MAP4K2: variants seen among roughly 807,000 people sequenced by gnomAD.
MAP4K2 encodes the protein B lymphocyte serine/threonine protein kinase.
In MAP4K2, 85 loss-of-function variants were observed where a neutral mutation model predicts 125.3. That is an observed-to-expected ratio of 0.68 (90% confidence interval 0.57 to 0.81). The LOEUF (loss-of-function observed/expected upper bound fraction) is 0.81, where lower values mean the gene tolerates loss of function less well. Among genes scored for constraint, MAP4K2 ranks in the 40% least tolerant of loss-of-function variants. The probability of loss-of-function intolerance (pLI) is 0.00; values close to 1 mark genes in which losing one functional copy is unlikely to be tolerated. For synonymous variants in MAP4K2, 479 were observed against 445.1 expected (o/e 1.08, Z -0.96); for missense variants, 923 against 1,056.4 (o/e 0.87, Z 1.75).
Position 64,798,757 on chromosome 11 carries a change from C to G in MAP4K2, c.1097+37G>C, listed in dbSNP as rs201403369. The stretch of plus-strand genomic sequence containing the variant: ...GTCAGAGGTCAGCCTTTCTGCCGCC[C>G]CTGCCACCCCCTGCAGCTTCCCCAT... On this transcript the variant is annotated intron_variant, in intron 15 of 31. Coordinates refer to ENST00000294066, the MANE Select transcript of MAP4K2 (RefSeq NM_004579.5). 5.1e-5 allele frequency: 82 copies of G among 1,612,262 alleles called. No homozygotes were observed. In the Admixed American group the frequency reaches 9.3e-4, roughly 18 times the overall value.
rs1308884771 is a variant in MAP4K2, at chr11:64,797,632, T to A, written c.1130A>T (p.Glu377Val). The stretch of plus-strand genomic sequence containing the variant: ...CCAGGCCCACATCCCTCACCTTTCC[T>A]CCAGGGCCTCCTGGACCGACTGCAG... ...SLLQSVQEALEERSLTIRSAS... is the reference protein window; with the variant it reads ...SLLQSVQEALVERSLTIRSAS... The change falls in exon 16 of 32, where the codon GAG becomes GTG. Residue 377 changes from glutamate to valine, a missense_variant. Transcript: ENST00000294066. The A allele has an allele frequency of 6.3e-7, 1 of 1,578,712 alleles. No individual in the cohort carries two copies. Among genetic ancestry groups the A allele is most frequent in the South Asian group, 1.2e-5 (1 of 86,690 alleles).
At position 64,798,806 on chromosome 11, in the gene MAP4K2, TC is replaced by T; in HGVS notation, c.1084del (p.Glu362LysfsTer3). On this transcript the variant is annotated frameshift_variant, in exon 15 of 32. Coordinates refer to ENST00000294066, the MANE Select transcript of MAP4K2 (RefSeq NM_004579.5). LOFTEE classifies it high-confidence loss of function. ...ATACCTCACTTACCCACTCAACTCT[TC>T]CTTTCCCAGTAGTGTCCACTCTTCC... is the stretch of plus-strand genomic sequence containing the variant. ...WEEEWTLLGKEELSGSLLQSV... is the reference protein window; with the variant it reads ...WEEEWTLLGKXELSGSLLQSV... 6.2e-7 allele frequency: 1 copy of T among 1,610,698 alleles called. No individual in the cohort carries two copies. The highest frequency in any genetic ancestry group is 8.5e-7 in the Non-Finnish European group (1 of 1,178,376).
chr11:64,785,048 A>C lies in MAP4K2; in HGVS notation c.*4489T>G, dbSNP rs1940174192. 6.6e-6 allele frequency: 1 copy of C among 152,266 alleles called. No individual in the cohort carries two copies. Among genetic ancestry groups the C allele is most frequent in the Non-Finnish European group, 1.5e-5 (1 of 68,052 alleles). 9.4% of individuals were successfully genotyped at this position (152,266 alleles called of 1,614,324 possible). A position where few individuals can be genotyped will look rare whatever the true frequency, so the allele number is the denominator to read the frequency against. ...ATACTACTTGGCAATAAAAAGGAATAAAATATTAATGCATGCAACAGGGAT... is the reference window on the plus strand; with the variant it reads ...ATACTACTTGGCAATAAAAAGGAATCAAATATTAATGCATGCAACAGGGAT... On this transcript the variant is annotated 3_prime_UTR_variant, in exon 32 of 32. Coordinates refer to ENST00000294066, the MANE Select transcript of MAP4K2 (RefSeq NM_004579.5).
Position 64,803,167 on chromosome 11 carries a change from G to T in MAP4K2, c.-18C>A, listed in dbSNP as rs1941353926. 3.3e-6 allele frequency: 4 copies of T among 1,197,832 alleles called. No individual in the cohort carries two copies. The highest frequency in any genetic ancestry group is 4.6e-5 in the Admixed American group (1 of 21,784). The allele number at this position is 1,197,832 out of a possible 1,614,324, so 74.2% of individuals were successfully genotyped here. A position where few individuals can be genotyped will look rare whatever the true frequency, so the allele number is the denominator to read the frequency against. The stretch of plus-strand genomic sequence containing the variant: ...AGCGCCATGGCCCGGCGCCGGGCGG[G>T]CCGGCAGGCGGGCGGGCGCGAGCTG... On this transcript the variant is annotated 5_prime_UTR_variant, in exon 1 of 32. Coordinates refer to ENST00000294066, the MANE Select transcript of MAP4K2 (RefSeq NM_004579.5).
Position 64,797,201 on chromosome 11 carries a change from A to C in MAP4K2, c.1277-9T>G. ...AGGTGGGGGCAGGGTTCCTGCAGGC[A>C]CAGGCGTGCTGTAATTTCCTGCTGT... On this transcript the variant is annotated splice_polypyrimidine_tract_variant and intron_variant, in intron 18 of 31. Coordinates refer to ENST00000294066, the MANE Select transcript of MAP4K2 (RefSeq NM_004579.5). 1 of 1,612,714 alleles carries C rather than the reference A, an allele frequency of 6.2e-7. No homozygotes were observed. Among genetic ancestry groups the C allele is most frequent in the Non-Finnish European group, 8.5e-7 (1 of 1,179,432 alleles).
In MAP4K2 at chr11:64,789,944, C is replaced by T. The variant is rs1197775940; in HGVS notation, c.2264G>A (p.Ser755Asn). The change falls in exon 30 of 32, where the codon AGT becomes AAT. Residue 755 changes from serine to asparagine, a missense_variant. This residue lies in a region of MAP4K2 where 90 missense variants were observed against 144.9 expected (regional missense o/e 0.62). Transcript: ENST00000294066. Reference sequence around the variant, plus strand: ...CCCATGGCTCCAGAAGGCCAGCACACTGTCCTGCAGGCACACTATGGGGGC... The same window carrying T: ...CCCATGGCTCCAGAAGGCCAGCACATTGTCCTGCAGGCACACTATGGGGGC... ...PIETVVCLQDSVLAFWSHGMQ... is the reference protein window; with the variant it reads ...PIETVVCLQDNVLAFWSHGMQ... 1 of 1,613,560 alleles carries T rather than the reference C, an allele frequency of 6.2e-7. No homozygotes were observed. The highest frequency in any genetic ancestry group is 1.1e-5 in the South Asian group (1 of 91,072).
rs1181272813 is a variant in MAP4K2 at position 64,796,362 on chromosome 11, G to A, written c.1662C>T (p.Asp554=). ...TCCGCTGCTCAAACAGGCCTGGGAG[G>A]TCATGGGCCCAGATGTGCGTGGATT... ...SGKSTHIWAH[D]LPGLFEQRRL... Residue 554 remains aspartate, a synonymous_variant, in exon 24 of 32, where the codon GAC becomes GAT. Coordinates refer to ENST00000294066, the MANE Select transcript of MAP4K2 (RefSeq NM_004579.5). The A allele has an allele frequency of 6.3e-7, 1 of 1,592,204 alleles. No individual in the cohort carries two copies. The highest frequency in any genetic ancestry group is 8.6e-7 in the Non-Finnish European group (1 of 1,167,994).
At chr11:64,801,545 G>A (rs1941166768) in intron 7 of MAP4K2, 34 bp downstream of exon 7, 1 of 1,612,470 alleles carries the variant, frequency 6.2e-7, no homozygotes, top group South Asian at 1.1e-5. Flanking sequence ...GGTCCACAGA[G>A]CCCTCACCCT....
At position 64,796,417 on chromosome 11, in the gene MAP4K2, T is replaced by C. The variant is rs201066833; in HGVS notation, c.1634-27A>G. The C allele has an allele frequency of 7.2e-4, 1,155 of 1,613,514 alleles. 13 individuals carry two copies. The highest frequency in any genetic ancestry group is 8.8e-5 in the Non-Finnish European group (104 of 1,179,724). On this transcript the variant is annotated intron_variant, in intron 23 of 31. Transcript: ENST00000294066. ...TGCAGAAACAGGAAGAGGCCAGGCC[T>C]GGGGTGTTGGTGGGCAGGATGCTGA...
At chr11:64,797,052 A>C in intron 19 of MAP4K2, 29 bp from the exon 20 acceptor site, 1 of 1,614,036 alleles carries the variant, frequency 6.2e-7, no homozygotes, top group South Asian at 1.1e-5. Context: ...GTCAGGGCTG[A>C]TATGACAGCT....
At chr11:64,797,800 A>C (rs1204270735) in intron 15 of MAP4K2, 136 bp from the exon 16 acceptor site, 1 of 809,410 alleles carries the variant, frequency 1.2e-6, no homozygotes, top group Admixed American at 3.5e-5. Flanking sequence ...CCGCCCCCCA[A>C]GTTCACGCCA....
Position 64,789,540 on chromosome 11 carries a change from G to T in MAP4K2, c.2460C>A (p.Tyr820Ter), listed in dbSNP as rs1404674229. 1 of 1,580,514 alleles carries T rather than the reference G, an allele frequency of 6.3e-7. No homozygotes were observed. The highest frequency in any genetic ancestry group is 1.2e-5 in the South Asian group (1 of 86,628). Residue 820 changes from tyrosine (Y) to a stop codon, truncating the protein, a stop_gained, in exon 32 of 32, where the codon TAC (tyrosine) becomes TAA (stop). Transcript: ENST00000294066. LOFTEE classifies it high-confidence loss of function. ...CCCCTGGACAGGCCCGCTGCTCTTA[G>T]TAGGTGCTCTGGTGGCCCGTGAGGA... ...LYILTGHQST[Y>*] is the part of the protein sequence containing the mutation.
chr11:64,796,917 C>A (rs759402574), intron 20 of MAP4K2, 24 bp from the exon 21 acceptor site: 39 of 1,613,830 alleles, frequency 2.4e-5, no homozygotes, highest in Non-Finnish European at 3.2e-5. Flanking sequence ...AAGAGGCTGG[C>A]GAGGGAGTGC....
At position 64,800,906 on chromosome 11, in the gene MAP4K2, G is replaced by C. The variant is rs375763001; in HGVS notation, c.656C>G (p.Pro219Arg). The change falls in exon 9 of 32, where the codon CCC becomes CGC. Residue 219 changes from proline (P) to arginine (R), a missense_variant. Coordinates refer to ENST00000294066, the MANE Select transcript of MAP4K2 (RefSeq NM_004579.5). ...ELQPPLFHLH[P>R]MRALMLMSKS... ...GGGCAAGTGTTGGGCTGACCTCATG[G>C]GGTGCAGGTGGAACAGAGGGGGCTG... is the stretch of plus-strand genomic sequence containing the variant. The C allele has an allele frequency of 1.2e-6, 2 of 1,613,936 alleles. No individual in the cohort carries two copies. The highest frequency in any genetic ancestry group is 1.7e-6 in the Non-Finnish European group (2 of 1,180,016).
intron 27 of MAP4K2, 30 bp downstream of exon 27, chr11:64,791,879 C>T: frequency 1.3e-6 from 2 of 1,517,122 alleles, no homozygotes; most frequent in Non-Finnish European, 1.8e-6. Context: ...CACACACACC[C>T]ACCCCCAGCA....
intron 15 of MAP4K2, 111 bp from the exon 16 acceptor site, chr11:64,797,775 G>C (rs1348605800): frequency 1.9e-6 from 2 of 1,052,790 alleles, no homozygotes; most frequent in Non-Finnish European, 2.6e-6. Context: ...GCGCAATCGC[G>C]GCTCACTGCA....
intron 25 of MAP4K2, 33 bp downstream of exon 25, chr11:64,792,331 G>GCCCCA: frequency 1.3e-6 from 2 of 1,535,444 alleles, no homozygotes; most frequent in Non-Finnish European, 1.8e-6. Context: ...CCCCCACCAG[G>GCCCCA]CCCCGCCCCA....
rs917846966 is a variant in MAP4K2, at chr11:64,801,298, T to C, written c.458-115A>G. On this transcript the variant is annotated intron_variant, in intron 7 of 31. Transcript: ENST00000294066. ...GCTCAGACGGGCAGGTGGCCCCGCT[T>C]GGTCACAGCTGCCGCAGGCCCTAGG... The C allele has an allele frequency of 1.6e-5, 21 of 1,297,930 alleles. No individual in the cohort carries two copies. In the African/African-American group the frequency reaches 3.1e-4, roughly 19 times the overall value. The allele number at this position is 1,297,930 out of a possible 1,614,324, so 80.4% of individuals were successfully genotyped here. A position where few individuals can be genotyped will look rare whatever the true frequency, so the allele number is the denominator to read the frequency against.
chr11:64,801,773 A>C lies in MAP4K2; in HGVS notation c.367-16T>G. ...GGTGGAGCCCCTGGCGACAAAGAGG[A>C]GTCCCTGAGAGCAGCCACCCAGCAC... On this transcript the variant is annotated splice_polypyrimidine_tract_variant and intron_variant, in intron 5 of 31. Coordinates refer to ENST00000294066, the MANE Select transcript of MAP4K2 (RefSeq NM_004579.5). 2 of 1,612,068 alleles carry C rather than the reference A, an allele frequency of 1.2e-6. No individual in the cohort carries two copies. Among genetic ancestry groups the C allele is most frequent in the Non-Finnish European group, 1.7e-6 (2 of 1,179,778 alleles).
Sources: allele counts gnomAD v4.1 joint callset, GRCh38; gene constraint gnomAD v4.1.1; regional missense constraint gnomAD v4.1.1; transcripts MANE v1.5; gene names NCBI Gene and HGNC (gene_info 2026-07-23, HGNC 2026-07-21).